ZNF516: variants seen among roughly 807,000 people sequenced by gnomAD.
ZNF516 encodes the protein zinc finger protein 516.
A neutral mutation model predicts 79.7 loss-of-function variants in ZNF516; 19 were observed. That is an observed-to-expected ratio of 0.24 (90% confidence interval 0.17 to 0.35). The LOEUF is 0.35. Ranked by LOEUF, ZNF516 falls within the 10% of genes least tolerant of loss-of-function variation. ZNF516 has a pLI of 1.00. For missense variants in ZNF516, 1,678 were observed against 1,679.5 expected (o/e 1.00, Z 0.02); for synonymous variants, 877 against 739.5 (o/e 1.19, Z -3.02).
intron 2 of ZNF516, among the ~76,000 whole-genome samples, chr18:76,458,724 CATGCCT>C (rs1912898538): frequency 2.1e-5 from 3 of 139,602 alleles, no homozygotes; most frequent in Non-Finnish European, 3.1e-5. Context: ...CGTGCGTGTG[CATGCCT>C]GTAGGCAATG....
intron 1 of ZNF516, among the ~76,000 whole-genome samples, chr18:76,483,160 G>A (rs1166501964): frequency 6.6e-6 from 1 of 152,174 alleles, no homozygotes; most frequent in Non-Finnish European, 1.5e-5. Flanking sequence ...CCCTGGCCCA[G>A]CTGCCTGCTT....
intron 1 of ZNF516, among the ~76,000 whole-genome samples, chr18:76,471,204 G>T (rs192079164): frequency 6.6e-6 from 1 of 151,214 alleles, no homozygotes; most frequent in African/African-American, 2.4e-5. Flanking sequence ...TGGCATATCC[G>T]TTCAGATGAT....
intron 3 of ZNF516, among the ~76,000 whole-genome samples, chr18:76,397,854 C>G (rs2145192418): frequency 6.6e-6 from 1 of 152,290 alleles, no homozygotes; most frequent in East Asian, 1.9e-4. Context: ...CCTGGCATCT[C>G]CAAGTGCTAG....
chr18:76,468,039 C>T (rs1304652265), intron 1 of ZNF516, among the ~76,000 whole-genome samples: 2 of 152,200 alleles, frequency 1.3e-5, no homozygotes, highest in Non-Finnish European at 2.9e-5. Context: ...AGCCAACACA[C>T]CCCAGCCAGC....
At chr18:76,409,013 A>C (rs201578082) in intron 3 of ZNF516, among the ~76,000 whole-genome samples, 1 of 152,032 alleles carries the variant, frequency 6.6e-6, no homozygotes, top group Non-Finnish European at 1.5e-5. Context: ...GAAAACAAAG[A>C]AGCTATAAAA....
intron 3 of ZNF516, among the ~76,000 whole-genome samples, chr18:76,403,447 C>T (rs141056555): frequency 4.6e-5 from 7 of 152,284 alleles, no homozygotes; most frequent in East Asian, 1.9e-4. Flanking sequence ...GGGGCACACA[C>T]GGCACAGGCA....
intron 2 of ZNF516, among the ~76,000 whole-genome samples, chr18:76,449,275 C>T (rs1322287663): frequency 2.0e-5 from 3 of 152,170 alleles, no homozygotes; most frequent in Non-Finnish European, 2.9e-5. Flanking sequence ...CCATAGCTGC[C>T]CTGGACCCCG....
At chr18:76,375,911 G>T (rs1292571463) in intron 4 of ZNF516, among the ~76,000 whole-genome samples, 1 of 151,648 alleles carries the variant, frequency 6.6e-6, no homozygotes, top group African/African-American at 2.4e-5. Context: ...GAGGATGGAT[G>T]GGAAGGCCCA....
In ZNF516 at chr18:76,443,044, T is replaced by C. The variant is rs3752097; in HGVS notation, c.11A>G (p.Asn4Ser). Residue 4 changes from asparagine (N) to serine (S), a missense_variant, in exon 3 of 7, where the codon AAC becomes AGC. Transcript: ENST00000443185. MDR[N>S]REAEMELRRG... ...CCTCAGCTCCATCTCGGCCTCTCTG[T>C]TGCGATCCATCCGAAGGACGGGCGC... 60,771 of 1,589,882 alleles carry C rather than the reference T, an allele frequency of 0.038. 2,128 individuals carry two copies. Among genetic ancestry groups the C allele is most frequent in the African/African-American group, 0.19 (13,828 of 74,664 alleles).
intron 3 of ZNF516, among the ~76,000 whole-genome samples, chr18:76,418,446 T>C (rs1400112766): frequency 6.6e-6 from 1 of 151,372 alleles, no homozygotes; most frequent in South Asian, 2.1e-4. Context: ...CACTAACACA[T>C]GCTGTAACAT....
At chr18:76,460,781 A>G (rs1428106187) in intron 2 of ZNF516, among the ~76,000 whole-genome samples, 1 of 152,156 alleles carries the variant, frequency 6.6e-6, no homozygotes, top group African/African-American at 2.4e-5. Context: ...TGAAAATAAG[A>G]ATCAAAACTC....
At chr18:76,494,802 CAA>C (rs1044640265) in intron 1 of ZNF516, among the ~76,000 whole-genome samples, 5 of 151,720 alleles carry the variant, frequency 3.3e-5, no homozygotes, top group Admixed American at 1.3e-4. Context: ...TCGCCTTTGA[CAA>C]AGTGTACAAA....
chr18:76,496,366 A>G (rs1392573504), upstream of ZNF516: 2 of 1,289,616 alleles, frequency 1.6e-6, no homozygotes, highest in African/African-American at 1.5e-5. Context: ...GGCTCCGCGT[A>G]GCAATCAGCG....
rs545420319 is a variant in ZNF516 at position 76,441,591 on chromosome 18, C to T, written c.1464G>A (p.Ala488=). Residue 488 remains alanine, a synonymous_variant, in exon 3 of 7, where the codon GCG becomes GCA. Coordinates refer to ENST00000443185, the MANE Select transcript of ZNF516 (RefSeq NM_014643.4). The part of the protein sequence containing the change: ...RKRASGPGDP[A]PAGHLDPRSA... Reference sequence around the variant, plus strand: ...AGCGGGGATCGAGGTGGCCGGCGGGCGCGGGGTCCCCAGGCCCGCTCGCGC... The same window carrying T: ...AGCGGGGATCGAGGTGGCCGGCGGGTGCGGGGTCCCCAGGCCCGCTCGCGC... The T allele has an allele frequency of 1.0e-5, 15 of 1,436,672 alleles. No homozygotes were observed. The South Asian group carries it at 1.9e-4, about 18-fold the overall frequency. 89.0% of individuals were successfully genotyped at this position (1,436,672 alleles called of 1,614,324 possible). A position where few individuals can be genotyped will look rare whatever the true frequency, so the allele number is the denominator to read the frequency against.
chr18:76,459,933 T>G lies in ZNF516; in HGVS notation c.-158+3095A>C, dbSNP rs1268517833. ...GCCTCCTTGGCATCGGGCAGGTCTG[T>G]CTCACCAGTCCCAAATAATGAATCA... On this transcript the variant is annotated intron_variant, in intron 2 of 6. Transcript: ENST00000443185. The surrounding 1 kb of genome is among the most constrained non-coding windows in gnomAD (Gnocchi z 5.0). 6.6e-6 allele frequency among the ~76,000 whole-genome samples: 1 copy of G among 152,164 alleles called. No individual in the cohort carries two copies. Among genetic ancestry groups the G allele is most frequent in the East Asian group, 1.9e-4 (1 of 5,196 alleles).
At chr18:76,410,507 C>G (rs1297356637) in intron 3 of ZNF516, among the ~76,000 whole-genome samples, 1 of 152,122 alleles carries the variant, frequency 6.6e-6, no homozygotes, top group Non-Finnish European at 1.5e-5. Flanking sequence ...GCAGTGGTTC[C>G]GCAGTTCCCT....
intron 3 of ZNF516, among the ~76,000 whole-genome samples, chr18:76,403,639 A>C (rs1290850171): frequency 2.6e-5 from 4 of 152,154 alleles, no homozygotes; most frequent in Non-Finnish European, 5.9e-5. Context: ...TGAATCCACC[A>C]TTCTTTAAAG....
intron 3 of ZNF516, among the ~76,000 whole-genome samples, chr18:76,434,612 C>T (rs908032042): frequency 6.6e-6 from 1 of 152,224 alleles, no homozygotes; most frequent in Non-Finnish European, 1.5e-5. Flanking sequence ...CAGAGTACCA[C>T]GGCTGTGGCT....
chr18:76,457,325 G>A (rs1403424909), intron 2 of ZNF516, among the ~76,000 whole-genome samples: 2 of 152,196 alleles, frequency 1.3e-5, no homozygotes, highest in Non-Finnish European at 2.9e-5. Context: ...TTTTCTTTGA[G>A]AAGGGCAGTT....
Sources: allele counts gnomAD v4.1 joint callset (sites outside exome capture counted in the v4.1 genomes callset), GRCh38; gene constraint gnomAD v4.1.1; non-coding constraint Gnocchi (gnomAD v3.1); transcripts MANE v1.5; gene names NCBI Gene and HGNC (gene_info 2026-07-23, HGNC 2026-07-21).